The following OPRK1 variants were observed in gnomAD, a reference collection of about 807,000 sequenced individuals.
OPRK1 encodes the protein opioid receptor kappa 1.
In OPRK1, 15 loss-of-function variants were observed where a neutral mutation model predicts 24.5. That is an observed-to-expected ratio of 0.61 (90% CI 0.41 to 0.94). The LOEUF is 0.94. Among genes scored for constraint, OPRK1 ranks in the 40% least tolerant of loss-of-function variants. OPRK1 has a pLI of 0.00. For missense variants in OPRK1, 479 were observed against 507.3 expected, an observed-to-expected ratio of 0.94 and a Z score of 0.54; for synonymous variants, 205 against 198.0, an observed-to-expected ratio of 1.04 and a Z score of -0.30.
chr8:53,229,925 T>C (rs1806813946), intron 3 of OPRK1, 96 bp from the exon 4 acceptor site: 1 of 1,114,708 alleles, frequency 9.0e-7, no homozygotes, highest in Non-Finnish European at 1.3e-6. Flanking sequence ...TACCTTTTAT[T>C]GCAATGGTCC....
intron 2 of OPRK1, among the ~76,000 whole-genome samples, chr8:53,239,169 G>T (rs1287267347): frequency 6.6e-6 from 1 of 152,094 alleles, no homozygotes; most frequent in Non-Finnish European, 1.5e-5. Flanking sequence ...CTCCAGTTAT[G>T]TGCATGGCCC....
chr8:53,236,483 A>G (rs1239116078), intron 2 of OPRK1, among the ~76,000 whole-genome samples: 1 of 152,164 alleles, frequency 6.6e-6, no homozygotes, highest in Non-Finnish European at 1.5e-5. Context: ...TTCCATTTGG[A>G]TGTTCTGCTT....
At chr8:53,244,188 CA>C (rs1344317137) in intron 2 of OPRK1, among the ~76,000 whole-genome samples, 4 of 151,924 alleles carry the variant, frequency 2.6e-5, no homozygotes, top group Non-Finnish European at 4.4e-5. Flanking sequence ...CAGACTGGCC[CA>C]GGGGTGACTT....
In OPRK1 at chr8:53,229,297, T is replaced by G; in HGVS notation, c.1143A>C (p.Ter381CysextTer29). ...TGTACGAAGACATCTCCACGACTAG[T>G]CATACTGGTTTATTCATCCCATCGA... ...RDIDGMNKPV* is the reference protein window; with the variant it reads ...RDIDGMNKPVC Residue 381 changes from the stop codon to cysteine, a stop_lost, in exon 4 of 4, where the codon TGA becomes TGC. Transcript: ENST00000265572. 1 of 1,611,810 alleles carries G rather than the reference T, an allele frequency of 6.2e-7. No homozygotes were observed. Among genetic ancestry groups the G allele is most frequent in the Non-Finnish European group, 8.5e-7 (1 of 1,178,538 alleles).
intron 2 of OPRK1, among the ~76,000 whole-genome samples, chr8:53,238,942 G>T (rs756638544): frequency 1.3e-4 from 20 of 152,278 alleles, no homozygotes; most frequent in Non-Finnish European, 1.9e-4. Context: ...GAGGTGCATT[G>T]CCTAGGTTTG....
At chr8:53,244,868 T>C (rs1179224375) in intron 2 of OPRK1, among the ~76,000 whole-genome samples, 2 of 152,296 alleles carry the variant, frequency 1.3e-5, no homozygotes, top group East Asian at 3.9e-4. Context: ...GACTGTACGG[T>C]CCTGCCTTGG....
intron 2 of OPRK1, among the ~76,000 whole-genome samples, chr8:53,249,444 TCTATAAC>T (rs1167414245): frequency 6.6e-6 from 1 of 152,186 alleles, no homozygotes; most frequent in Non-Finnish European, 1.5e-5. Flanking sequence ...ATTCCTTCCT[TCTATAAC>T]CTTTACTCAT....
At chr8:53,241,337 A>G (rs1807112482) in intron 2 of OPRK1, among the ~76,000 whole-genome samples, 1 of 152,140 alleles carries the variant, frequency 6.6e-6, no homozygotes, top group Non-Finnish European at 1.5e-5. Flanking sequence ...TAACTGCTAT[A>G]TGCTCTTCTG....
At position 53,229,276 on chromosome 8, in the gene OPRK1, C is replaced by G; in HGVS notation, c.*21G>C. 6.3e-7 allele frequency: 1 copy of G among 1,599,900 alleles called. No individual in the cohort carries two copies. Among genetic ancestry groups the G allele is most frequent in the Non-Finnish European group, 8.5e-7 (1 of 1,171,884 alleles). ...ACTCCTCTCTTCCCGAAGAACTGTA[C>G]GAAGACATCTCCACGACTAGTCATA... On this transcript the variant is annotated 3_prime_UTR_variant, in exon 4 of 4. Transcript: ENST00000265572.
In OPRK1 at chr8:53,225,795, CT is replaced by C. The variant is rs1218360598; in HGVS notation, c.*3501del. 1 of 152,566 alleles carries C rather than the reference CT, an allele frequency of 6.6e-6. No individual in the cohort carries two copies. Among genetic ancestry groups the C allele is most frequent in the African/African-American group, 2.4e-5 (1 of 41,424 alleles). 9.5% of individuals were successfully genotyped at this position (152,566 alleles called of 1,614,324 possible). ...CGTATATACAATGCATAATTATCAT[CT>C]TTTAAAGTACAAGATAAAAATCATA... On this transcript the variant is annotated 3_prime_UTR_variant, in exon 4 of 4. Transcript: ENST00000265572.
At chr8:53,238,131 C>A (rs1807035967) in intron 2 of OPRK1, among the ~76,000 whole-genome samples, 1 of 152,128 alleles carries the variant, frequency 6.6e-6, no homozygotes. Context: ...TGGTTGAGCC[C>A]CAGGGTATTG....
Position 53,229,658 on chromosome 8 carries a change from C to G in OPRK1, c.782G>C (p.Gly261Ala). The change falls in exon 4 of 4, where the codon GGC (glycine) becomes GCC (alanine). Residue 261 changes from glycine to alanine, a missense_variant. By Grantham distance (60) the Gly-to-Ala change is moderately conservative. Transcript: ENST00000265572. ...LRLKSVRLLS[G>A]SREKDRNLRR... ...CAGGTTGCGATCTTTCTCTCGGGAGCCAGAAAGGAGCCGGACGCTCTTGAG... is the reference window on the plus strand; with the variant it reads ...CAGGTTGCGATCTTTCTCTCGGGAGGCAGAAAGGAGCCGGACGCTCTTGAG... The G allele has an allele frequency of 6.2e-7, 1 of 1,614,012 alleles. No homozygotes were observed. Among genetic ancestry groups the G allele is most frequent in the Non-Finnish European group, 8.5e-7 (1 of 1,179,996 alleles).
rs771717476 is a variant in OPRK1, at chr8:53,229,369, A to G, written c.1071T>C (p.Thr357=). The part of the protein sequence containing the change: ...PLKMRMERQS[T]SRVRNTVQDP... ...CCTGAACTGTATTTCGGACTCTGCT[A>G]GTGCTCTGCCGCTCCATCCTCATCT... is the stretch of plus-strand genomic sequence containing the variant. The change falls in exon 4 of 4, where the codon ACT becomes ACC. Residue 357 remains threonine, a synonymous_variant. Coordinates refer to ENST00000265572, the MANE Select transcript of OPRK1 (RefSeq NM_000912.5). 3.7e-6 allele frequency: 6 copies of G among 1,614,202 alleles called. No homozygotes were observed.
intron 3 of OPRK1, among the ~76,000 whole-genome samples, chr8:53,233,064 C>A (rs1382717658): frequency 6.6e-6 from 1 of 152,130 alleles, no homozygotes; most frequent in East Asian, 1.9e-4. Flanking sequence ...TAAAGTTGGG[C>A]ATTTCTTAAA....
chr8:53,241,751 G>A (rs16918928), intron 2 of OPRK1, among the ~76,000 whole-genome samples: 19,590 of 152,202 alleles, frequency 0.13, 1,521 homozygotes, highest in African/African-American at 0.22. Flanking sequence ...GCGCAAAGGC[G>A]TCAAGAGAAC....
In OPRK1 at chr8:53,227,847, C is replaced by G. The variant is rs1186430937; in HGVS notation, c.*1450G>C. On this transcript the variant is annotated 3_prime_UTR_variant, in exon 4 of 4. Transcript: ENST00000265572. Reference sequence around the variant, plus strand: ...ACATAGGGCTATATATTCAATTTTTCTATTAAATTCCAGAGGATGCAGCCC... The same window carrying G: ...ACATAGGGCTATATATTCAATTTTTGTATTAAATTCCAGAGGATGCAGCCC... 6.6e-6 allele frequency: 1 copy of G among 151,634 alleles called. No homozygotes were observed. The highest frequency in any genetic ancestry group is 2.4e-5 in the African/African-American group (1 of 41,252). 9.4% of individuals were successfully genotyped at this position (151,634 alleles called of 1,614,324 possible). A position where few individuals can be genotyped will look rare whatever the true frequency, so the allele number is the denominator to read the frequency against.
chr8:53,230,963 A>G (rs1806837946), intron 3 of OPRK1, among the ~76,000 whole-genome samples: 1 of 152,232 alleles, frequency 6.6e-6, no homozygotes, highest in South Asian at 2.1e-4. Context: ...AAACATTTTA[A>G]TGCAATCTTA....
chr8:53,237,144 G>A (rs958487257), intron 2 of OPRK1, among the ~76,000 whole-genome samples: 1 of 152,128 alleles, frequency 6.6e-6, no homozygotes, highest in African/African-American at 2.4e-5. Context: ...CTTCTTACGT[G>A]AGTGGAAGCC....
intron 2 of OPRK1, chr8:53,238,573 G>C: frequency 1.0e-6 from 1 of 985,548 alleles, no homozygotes; most frequent in Non-Finnish European, 1.2e-6. Flanking sequence ...GCAACAGGGC[G>C]GAGGGTGTTC....
Sources: gnomAD v4.1 joint callset for allele counts (sites outside exome capture counted in the v4.1 genomes callset) on GRCh38, gnomAD v4.1.1 for gene constraint, MANE v1.5 for transcripts, NCBI Gene and HGNC (gene_info 2026-07-23, HGNC 2026-07-21) for gene names.